The following BRAF variants were observed in gnomAD, a reference collection of about 807,000 sequenced individuals.
BRAF encodes B-Raf proto-oncogene, serine/threonine kinase, also known as serine/threonine-protein kinase B-raf.
BRAF carries 16 observed loss-of-function variants against 104.6 expected under a neutral mutation model. The ratio of observed to expected loss-of-function variants is 0.15; its 90% CI spans 0.10 to 0.23. The LOEUF (loss-of-function observed/expected upper bound fraction) is 0.23, where lower values mean the gene tolerates loss of function less well. BRAF is among the 10% of genes least tolerant of loss of function. The probability of loss-of-function intolerance (pLI) is 1.00; values close to 1 mark genes in which losing one functional copy is unlikely to be tolerated. For synonymous variants in BRAF, 310 were observed against 341.6 expected, an observed-to-expected ratio of 0.91 and a Z score of 1.02; for missense variants, 541 against 937.3, an observed-to-expected ratio of 0.58 and a Z score of 5.52.
At chr7:140,827,852 T>C (rs995747229) in intron 3 of BRAF, among the ~76,000 whole-genome samples, 1 of 152,220 alleles carries the variant, frequency 6.6e-6, no homozygotes, top group Non-Finnish European at 1.5e-5. Flanking sequence ...CAGATTAGCA[T>C]TGTTGTGTTC....
chr7:140,819,961 T>A (rs1222981333), intron 3 of BRAF, among the ~76,000 whole-genome samples: 3 of 152,232 alleles, frequency 2.0e-5, no homozygotes, highest in African/African-American at 4.8e-5. Context: ...GTAAATTGTA[T>A]GGCTTTTGAA....
At chr7:140,727,184 T>TTA (rs1491262879) in intron 19 of BRAF, among the ~76,000 whole-genome samples, 10 of 150,966 alleles carry the variant, frequency 6.6e-5, no homozygotes, top group African/African-American at 2.5e-4. Flanking sequence ...ATTATTTTTT[T>TTA]CTTTTTTTTT....
intron 1 of BRAF, among the ~76,000 whole-genome samples, chr7:140,885,957 T>A (rs978845557): frequency 6.6e-6 from 1 of 152,170 alleles, no homozygotes; most frequent in Non-Finnish European, 1.5e-5. Flanking sequence ...TTGGTATGAT[T>A]ATAGCATAGG....
intron 7 of BRAF, among the ~76,000 whole-genome samples, chr7:140,797,119 C>CTAT (rs1303269384): frequency 1.3e-5 from 2 of 152,140 alleles, no homozygotes; most frequent in African/African-American, 4.8e-5. Flanking sequence ...ATACCTGTAC[C>CTAT]TATCTTGCAG....
At chr7:140,829,468 C>G (rs1351307634) in intron 3 of BRAF, among the ~76,000 whole-genome samples, 1 of 151,626 alleles carries the variant, frequency 6.6e-6, no homozygotes, top group African/African-American at 2.4e-5. Context: ...AAATAATTCA[C>G]CTTCTTCTTA....
intron 2 of BRAF, among the ~76,000 whole-genome samples, chr7:140,849,220 C>T (rs1410421489): frequency 6.6e-6 from 1 of 152,124 alleles, no homozygotes; most frequent in Admixed American, 6.6e-5. Flanking sequence ...TGACTGACTA[C>T]TTAAGAAAAC....
At position 140,722,894 on chromosome 7, in the gene BRAF, T is replaced by C. The variant is rs1405624123; in HGVS notation, c.*3600A>G. ...GGCACCACTTTCAACAACATTCAGA[T>C]ATTCCGAGCAACACATTTTTTTACA... On this transcript the variant is annotated 3_prime_UTR_variant, in exon 20 of 20. Coordinates refer to ENST00000644969, the MANE Select transcript of BRAF (RefSeq NM_001374258.1). 1.9e-5 allele frequency: 20 copies of C among 1,055,758 alleles called. No individual in the cohort carries two copies. The highest frequency in any genetic ancestry group is 1.4e-4 in the South Asian group (3 of 21,892). The allele number at this position is 1,055,758 out of a possible 1,614,324, so 65.4% of individuals were successfully genotyped here. A position where few individuals can be genotyped will look rare whatever the true frequency, so the allele number is the denominator to read the frequency against.
intron 8 of BRAF, among the ~76,000 whole-genome samples, chr7:140,793,874 T>C (rs942746117): frequency 6.6e-6 from 1 of 152,174 alleles, no homozygotes; most frequent in African/African-American, 2.4e-5. Context: ...GTTCCACCCA[T>C]CTTGGCCTCC....
At chr7:140,787,204 G>A (rs1423579330) in intron 9 of BRAF, among the ~76,000 whole-genome samples, 5 of 151,336 alleles carry the variant, frequency 3.3e-5, no homozygotes, top group Non-Finnish European at 7.4e-5. Flanking sequence ...GGGAGGCTGA[G>A]GCAGGAGAAT....
At chr7:140,767,492 G>C (rs1184789342) in intron 14 of BRAF, among the ~76,000 whole-genome samples, 1 of 152,136 alleles carries the variant, frequency 6.6e-6, no homozygotes, top group Non-Finnish European at 1.5e-5. Flanking sequence ...CAGGTGGGTA[G>C]ATGTCATAAT....
intron 3 of BRAF, among the ~76,000 whole-genome samples, chr7:140,814,483 G>A (rs1804611988): frequency 6.6e-6 from 1 of 151,918 alleles, no homozygotes; most frequent in African/African-American, 2.4e-5. Context: ...TGGCCAACAT[G>A]GTGAAACCCC....
At chr7:140,903,425 GT>G (rs1815901851) in intron 1 of BRAF, among the ~76,000 whole-genome samples, 1 of 152,174 alleles carries the variant, frequency 6.6e-6, no homozygotes, top group South Asian at 2.1e-4. Context: ...TAAGCCCACT[GT>G]TGAGACCCAC....
At chr7:140,841,181 G>A (rs1807925315) in intron 2 of BRAF, among the ~76,000 whole-genome samples, 1 of 152,050 alleles carries the variant, frequency 6.6e-6, no homozygotes, top group Admixed American at 6.6e-5. Flanking sequence ...AAAACCAAAT[G>A]AAATACCAAT....
intron 1 of BRAF, among the ~76,000 whole-genome samples, chr7:140,911,449 A>C (rs1816964599): frequency 6.6e-6 from 1 of 152,200 alleles, no homozygotes; most frequent in East Asian, 1.9e-4. Flanking sequence ...TAACAAAAAA[A>C]CCCCACAATA....
chr7:140,834,246 TA>T (rs1170238321), intron 3 of BRAF: 1 of 366,242 alleles, frequency 2.7e-6, no homozygotes, highest in African/African-American at 2.1e-5. Context: ...TCTGATAATA[TA>T]ACTCAGAAAG....
intron 19 of BRAF, among the ~76,000 whole-genome samples, chr7:140,728,755 A>C (rs1450209838): frequency 6.6e-6 from 1 of 152,168 alleles, no homozygotes; most frequent in Non-Finnish European, 1.5e-5. Flanking sequence ...CATTCTTATG[A>C]GTAATCATGT....
In BRAF at chr7:140,847,217, T is replaced by C. The variant is rs539016714; in HGVS notation, c.240+2894A>G. ...GTTCTAAAACTCATTTATATGTTCA[T>C]TGTCTATATATCCATCCCCTCATTA... is the stretch of plus-strand genomic sequence containing the variant. On this transcript the variant is annotated intron_variant, in intron 2 of 19. Transcript: ENST00000644969. 1.2e-4 allele frequency among the ~76,000 whole-genome samples: 18 copies of C among 152,170 alleles called. No homozygotes were observed. In the South Asian group the frequency reaches 2.5e-3, roughly 21 times the overall value.
chr7:140,897,501 T>C (rs1426462422), intron 1 of BRAF, among the ~76,000 whole-genome samples: 11 of 143,934 alleles, frequency 7.6e-5, no homozygotes, highest in African/African-American at 2.3e-4. Context: ...TTCTTTTTTT[T>C]TTTTTTTTTT....
At chr7:140,820,774 T>A (rs189087809) in intron 3 of BRAF, among the ~76,000 whole-genome samples, 70 of 152,092 alleles carry the variant, frequency 4.6e-4, no homozygotes, top group African/African-American at 1.7e-3. Context: ...GCCCTACCTC[T>A]ACAAAAAAAT....
Sources: gnomAD v4.1 joint callset for allele counts (sites outside exome capture counted in the v4.1 genomes callset) on GRCh38, gnomAD v4.1.1 for gene constraint, MANE v1.5 for transcripts, NCBI Gene and HGNC (gene_info 2026-07-23, HGNC 2026-07-21) for gene names.